Variants in PDZD2 observed in about 807,000 individuals in gnomAD.
PDZD2 encodes the protein PDZ domain containing 2.
PDZD2 carries 90 observed loss-of-function variants against 220.7 expected under a neutral mutation model. That is an observed-to-expected ratio of 0.41 (90% confidence interval 0.34 to 0.49). PDZD2 has a LOEUF of 0.49. PDZD2 is among the 20% of genes least tolerant of loss of function. The pLI, the probability that PDZD2 is intolerant of heterozygous loss-of-function variation, is 0.28. For missense variants in PDZD2, 3,174 were observed against 3,608.5 expected, an observed-to-expected ratio of 0.88 and a Z score of 3.08; for synonymous variants, 1,375 against 1,450.5, an observed-to-expected ratio of 0.95 and a Z score of 1.18.
At chr5:31,951,632 AG>A (rs1432406798) in intron 2 of PDZD2, among the ~76,000 whole-genome samples, 1 of 152,244 alleles carries the variant, frequency 6.6e-6, no homozygotes, top group Non-Finnish European at 1.5e-5. Context: ...ATTGCTGAAT[AG>A]TATTCCTTTG....
chr5:31,885,716 C>G (rs972297925), intron 2 of PDZD2, among the ~76,000 whole-genome samples: 1 of 152,026 alleles, frequency 6.6e-6, no homozygotes, highest in African/African-American at 2.4e-5. Flanking sequence ...AGCATAAGTA[C>G]ACTATGTAGC....
At chr5:31,790,834 G>T (rs1753672484) in intron 1 of PDZD2, among the ~76,000 whole-genome samples, 1 of 151,330 alleles carries the variant, frequency 6.6e-6, no homozygotes, top group Non-Finnish European at 1.5e-5. Context: ...GAATAGCTGG[G>T]ATTACAGGCA....
chr5:31,749,086 T>TG lies in PDZD2; in HGVS notation c.-360-49794dup, dbSNP rs33985236. On this transcript the variant is annotated intron_variant, in intron 1 of 24. Coordinates refer to ENST00000438447, the MANE Select transcript of PDZD2 (RefSeq NM_178140.4). ...AGAACTTCATTAACTCTCTATTTCA[T>TG]GGGGGGGGGCCTTAATTTGTATTCA... Among the ~76,000 whole-genome samples the TG allele has an allele frequency of 3.2e-3, 485 of 151,002 alleles. 2 individuals carry two copies. Among genetic ancestry groups the TG allele is most frequent in the African/African-American group, 7.5e-3 (309 of 41,166 alleles).
At chr5:32,082,264 C>T (rs1742043623) in intron 19 of PDZD2, among the ~76,000 whole-genome samples, 1 of 147,804 alleles carries the variant, frequency 6.8e-6, no homozygotes, top group Admixed American at 6.7e-5. Flanking sequence ...TCAAGTGATC[C>T]ACCCACCTCA....
chr5:31,748,570 G>A (rs541458849), intron 1 of PDZD2, among the ~76,000 whole-genome samples: 1 of 152,348 alleles, frequency 6.6e-6, no homozygotes, highest in Admixed American at 6.5e-5. Context: ...AGCAGCAGAA[G>A]CTGTGGGGTT....
At position 31,849,891 on chromosome 5, in the gene PDZD2, C is replaced by CAT. The variant is rs753523975; in HGVS notation, c.476+50179_476+50180dup. Among the ~76,000 whole-genome samples the CAT allele has an allele frequency of 7.0e-4, 12 of 17,048 alleles. 3 individuals are homozygous for CAT. The highest frequency in any genetic ancestry group is 1.9e-3 in the East Asian group (1 of 530). 11.2% of individuals were successfully genotyped at this position (17,048 alleles called of 152,430 possible). ...ATATACATATATATATATATATACA[C>CAT]ATATATATATATACATATATATATA... On this transcript the variant is annotated intron_variant, in intron 2 of 24. Transcript: ENST00000438447.
chr5:32,088,549 A>G lies in PDZD2; in HGVS notation c.5101A>G (p.Ser1701Gly). ...SCAEETTEVTSASSAMENSPL... is the reference protein window; with the variant it reads ...SCAEETTEVTGASSAMENSPL... ...TGCAGAAGAAACCACAGAAGTCACC[A>G]GCGCTAGCTCAGCCATGGAAAACAG... Residue 1701 changes from serine to glycine, a missense_variant, in exon 20 of 25, where the codon AGC becomes GGC. By Grantham distance (56) the Ser-to-Gly change is moderately conservative. This residue lies in a region of PDZD2 where 1,861 missense variants were observed against 2,001.0 expected (regional missense o/e 0.93). Coordinates refer to ENST00000438447, the MANE Select transcript of PDZD2 (RefSeq NM_178140.4). This position sits in a 1 kb window ranked among gnomAD's most constrained non-coding sequence, Gnocchi z 4.6. The G allele has an allele frequency of 6.2e-7, 1 of 1,614,158 alleles. No homozygotes were observed. The highest frequency in any genetic ancestry group is 8.5e-7 in the Non-Finnish European group (1 of 1,179,988).
In PDZD2 at chr5:32,014,706, C is replaced by CTTTTTTTTTTTTTTTT. The variant is rs556276502; in HGVS notation, c.1407+4237_1407+4252dup. Reference sequence around the variant, plus strand: ...ATTTTCTGCTCTGCAATGACAATTTCTTTTTTTTTTTTTTTTTTTTTTTTT... The same window carrying CTTTTTTTTTTTTTTTT: ...ATTTTCTGCTCTGCAATGACAATTTCTTTTTTTTTTTTTTTTTTTTTTTTTTTTTTTTTTTTTTTTT... On this transcript the variant is annotated intron_variant, in intron 6 of 24. Coordinates refer to ENST00000438447, the MANE Select transcript of PDZD2 (RefSeq NM_178140.4). Among the ~76,000 whole-genome samples the CTTTTTTTTTTTTTTTT allele has an allele frequency of 2.6e-3, 246 of 95,398 alleles. 57 individuals are homozygous for CTTTTTTTTTTTTTTTT. The highest frequency in any genetic ancestry group is 0.01 in the African/African-American group (235 of 22,880). 62.6% of individuals were successfully genotyped at this position (95,398 alleles called of 152,430 possible).
chr5:32,049,722 G>A (rs1308404823), intron 8 of PDZD2, among the ~76,000 whole-genome samples: 1 of 152,192 alleles, frequency 6.6e-6, no homozygotes, highest in Non-Finnish European at 1.5e-5. Context: ...AAGTGCCCAT[G>A]TTTCAGGGAC....
rs530561692 is a variant in PDZD2 at position 32,090,312 on chromosome 5, G to A, written c.6864G>A (p.Arg2288=). 41 of 1,614,184 alleles carry A rather than the reference G, an allele frequency of 2.5e-5. No individual in the cohort carries two copies. Among genetic ancestry groups the A allele is most frequent in the Non-Finnish European group, 3.5e-5 (41 of 1,180,038 alleles). ...YSVKPLLDTS[R]NLPATDEGDI... is the part of the protein sequence containing the mutation. ...TAAAGCCGCTGCTGGACACATCGAG[G>A]AATCTTCCAGCCACAGATGAAGGGG... is the stretch of plus-strand genomic sequence containing the variant. Residue 2288 remains arginine (R), a synonymous_variant, in exon 20 of 25, where the codon AGG becomes AGA. Coordinates refer to ENST00000438447, the MANE Select transcript of PDZD2 (RefSeq NM_178140.4). The surrounding 1 kb of genome is among the most constrained non-coding windows in gnomAD (Gnocchi z 4.3).
chr5:32,076,623 T>C (rs1474198638), intron 18 of PDZD2, among the ~76,000 whole-genome samples: 1 of 152,218 alleles, frequency 6.6e-6, no homozygotes, highest in Non-Finnish European at 1.5e-5. Context: ...TTGATTTAAA[T>C]TGAAGTGAAA....
chr5:32,055,932 G>T (rs530843814), intron 10 of PDZD2, among the ~76,000 whole-genome samples: 27 of 152,220 alleles, frequency 1.8e-4, no homozygotes, highest in African/African-American at 5.1e-4. Context: ...TGCAAGGCTG[G>T]TAAAATGGAG....
chr5:31,715,639 A>C (rs181316704), intron 1 of PDZD2, among the ~76,000 whole-genome samples: 1 of 152,374 alleles, frequency 6.6e-6, no homozygotes, highest in Non-Finnish European at 1.5e-5. Context: ...AAAGTTGTTC[A>C]CTAGAAAAGC....
chr5:32,082,672 A>G (rs919933403), intron 19 of PDZD2, among the ~76,000 whole-genome samples: 3 of 152,224 alleles, frequency 2.0e-5, no homozygotes, highest in African/African-American at 2.4e-5. Flanking sequence ...ATATGTGTGT[A>G]TATATCTGCC....
intron 1 of PDZD2, among the ~76,000 whole-genome samples, chr5:31,763,743 C>T (rs992846229): frequency 9.2e-5 from 14 of 151,852 alleles, no homozygotes; most frequent in Admixed American, 7.9e-4. Flanking sequence ...CTCAGGTGAG[C>T]GCTTCACCAG....
rs1301420881 is a variant in PDZD2, at chr5:31,696,210, CTGAT to C, written c.-361+56774_-361+56777del. ...GCACCTAGAGGGGTTCAATCAGTGACTGATGAATGAATGAATGAGTGAGCGAATG... is the reference window on the plus strand; with the variant it reads ...GCACCTAGAGGGGTTCAATCAGTGACGAATGAATGAATGAGTGAGCGAATG... On this transcript the variant is annotated intron_variant, in intron 1 of 24. Transcript: ENST00000438447. 7.2e-5 allele frequency among the ~76,000 whole-genome samples: 11 copies of C among 152,182 alleles called. 1 individual carries two copies. Among genetic ancestry groups the C allele is most frequent in the African/African-American group, 2.6e-4 (11 of 41,526 alleles).
rs573808971 is a variant in PDZD2 at position 31,984,882 on chromosome 5, G to C, written c.978+1226G>C. Among the ~76,000 whole-genome samples, 4 of 152,104 alleles carry C rather than the reference G, an allele frequency of 2.6e-5. No individual in the cohort carries two copies. The South Asian group carries it at 8.3e-4, about 32-fold the overall frequency. On this transcript the variant is annotated intron_variant, in intron 3 of 24. Transcript: ENST00000438447. Reference sequence around the variant, plus strand: ...TTTGTCTGCTGAGAAATGGTGCCCTGGGGGTAAGTGTGATTTCTGCCATTA... The same window carrying C: ...TTTGTCTGCTGAGAAATGGTGCCCTCGGGGTAAGTGTGATTTCTGCCATTA...
chr5:31,749,834 C>T (rs1580681541), intron 1 of PDZD2, among the ~76,000 whole-genome samples: 1 of 152,196 alleles, frequency 6.6e-6, no homozygotes, highest in Non-Finnish European at 1.5e-5. Flanking sequence ...CACAGGACCA[C>T]TCCTTCCCCC....
intron 1 of PDZD2, among the ~76,000 whole-genome samples, chr5:31,778,421 C>A (rs1405133572): frequency 6.6e-6 from 1 of 152,128 alleles, no homozygotes; most frequent in Admixed American, 6.5e-5. Flanking sequence ...TGAGCTGTAA[C>A]ACTCACCGCG....
Sources: gnomAD v4.1 joint callset for allele counts (sites outside exome capture counted in the v4.1 genomes callset) on GRCh38, gnomAD v4.1.1 for gene constraint, gnomAD v4.1.1 regional missense constraint, Gnocchi (gnomAD v3.1) non-coding constraint, MANE v1.5 for transcripts, NCBI Gene and HGNC (gene_info 2026-07-23, HGNC 2026-07-21) for gene names.